WWOX: variants seen among roughly 807,000 people sequenced by gnomAD.
WWOX encodes the protein WW domain containing oxidoreductase, also known as WW domain-containing oxidoreductase.
In WWOX, 69 loss-of-function variants were observed where a neutral mutation model predicts 46.2. The ratio of observed to expected loss-of-function variants is 1.49; its 90% CI spans 1.23 to 1.82. The LOEUF (loss-of-function observed/expected upper bound fraction) is 1.82. WWOX is among the 40% of genes most tolerant of loss of function. The probability of loss-of-function intolerance (pLI) is 0.00; values close to 1 mark genes in which losing one functional copy is unlikely to be tolerated. For missense variants in WWOX, 919 were observed against 542.6 expected (o/e 1.69, Z -6.89); for synonymous variants, 359 against 202.6 (o/e 1.77, Z -6.56).
intron 8 of WWOX, among the ~76,000 whole-genome samples, chr16:78,768,160 G>C (rs1180415636): frequency 1.3e-5 from 2 of 150,668 alleles, no homozygotes; most frequent in East Asian, 3.9e-4. Context: ...TGCGGGGCGG[G>C]GGGGTCGGTT....
intron 5 of WWOX, among the ~76,000 whole-genome samples, chr16:78,336,345 AAAC>A (rs1202993402): frequency 2.3e-4 from 35 of 150,004 alleles, no homozygotes; most frequent in African/African-American, 7.1e-4. Context: ...AAAAAAAAAA[AAAC>A]CACAACAAAT....
At chr16:78,673,104 G>T (rs902060471) in intron 8 of WWOX, among the ~76,000 whole-genome samples, 33 of 152,212 alleles carry the variant, frequency 2.2e-4, no homozygotes, top group Admixed American at 2.2e-3. Context: ...AATAGGGTAC[G>T]CTGAAGGTCA....
At chr16:78,421,788 A>G (rs2082938406) in intron 6 of WWOX, among the ~76,000 whole-genome samples, 2 of 152,298 alleles carry the variant, frequency 1.3e-5, no homozygotes, top group East Asian at 1.9e-4. Context: ...AATTCTAAAC[A>G]TTATCAATGA....
chr16:78,799,103 A>G (rs2050818653), intron 8 of WWOX, among the ~76,000 whole-genome samples: 3 of 152,198 alleles, frequency 2.0e-5, no homozygotes, highest in Admixed American at 2.0e-4. Context: ...TAAATTGTGT[A>G]GATTACCTCC....
In WWOX at chr16:79,211,641, G is replaced by T. The variant is rs2051755265; in HGVS notation, c.1090G>T (p.Ala364Ser). ...AGCTGCCACCACCGTGTACTGTGCT[G>T]CTGTCCCAGAACTGGAGGGTCTGGG... ...QGAATTVYCA[A>S]VPELEGLGGM... The change falls in exon 9 of 9, where the codon GCT becomes TCT. Residue 364 changes from alanine (A) to serine (S), a missense_variant. Physicochemically the swap from Ala to Ser is moderately conservative, Grantham distance 99. Transcript: ENST00000566780. The T allele has an allele frequency of 2.5e-6, 4 of 1,614,184 alleles. No individual in the cohort carries two copies. Among genetic ancestry groups the T allele is most frequent in the Non-Finnish European group, 3.4e-6 (4 of 1,180,044 alleles).
rs147333159 is a variant in WWOX at position 79,174,846 on chromosome 16, A to G, written c.1057-36762A>G. Among the ~76,000 whole-genome samples the G allele has an allele frequency of 5.3e-5, 8 of 152,366 alleles. No individual in the cohort carries two copies. The East Asian group carries it at 1.5e-3, about 29-fold the overall frequency. ...AATTAAGAGTAAAAAGATGATGAAT[A>G]AAGTAGCTTCACTTATTGAGCCTTT... On this transcript the variant is annotated intron_variant, in intron 8 of 8. Coordinates refer to ENST00000566780, the MANE Select transcript of WWOX (RefSeq NM_016373.4).
In WWOX at chr16:79,174,778, T is replaced by G. The variant is rs113555557; in HGVS notation, c.1057-36830T>G. Among the ~76,000 whole-genome samples the G allele has an allele frequency of 8.8e-3, 1,344 of 152,370 alleles. 18 individuals are homozygous for G. Among genetic ancestry groups the G allele is most frequent in the African/African-American group, 0.031 (1,276 of 41,586 alleles). ...AGTACTCATGGTTAATTTTAGAAGC[T>G]AATAAGTATATATTTGATAACTTTA... On this transcript the variant is annotated intron_variant, in intron 8 of 8. Coordinates refer to ENST00000566780, the MANE Select transcript of WWOX (RefSeq NM_016373.4).
At chr16:79,174,680 G>A (rs1305851736) in intron 8 of WWOX, among the ~76,000 whole-genome samples, 1 of 152,188 alleles carries the variant, frequency 6.6e-6, no homozygotes, top group Non-Finnish European at 1.5e-5. Context: ...CTGATGTCCA[G>A]TGAATTTCTA....
intron 6 of WWOX, among the ~76,000 whole-genome samples, chr16:78,409,203 A>C (rs1222888538): frequency 6.6e-6 from 1 of 152,144 alleles, no homozygotes; most frequent in African/African-American, 2.4e-5. Flanking sequence ...GTTTAAAAAA[A>C]ATTTTTTTTT....
At chr16:78,786,620 G>A (rs769616697) in intron 8 of WWOX, among the ~76,000 whole-genome samples, 6 of 151,768 alleles carry the variant, frequency 4.0e-5, no homozygotes, top group Admixed American at 1.3e-4. Context: ...TAGTATATTC[G>A]CATGGTTATG....
At chr16:79,068,954 C>T (rs1261092535) in intron 8 of WWOX, among the ~76,000 whole-genome samples, 1 of 152,100 alleles carries the variant, frequency 6.6e-6, no homozygotes, top group African/African-American at 2.4e-5. Flanking sequence ...CCAAACATTT[C>T]ACAGTTGTCT....
At chr16:78,669,232 A>G (rs2047403942) in intron 8 of WWOX, among the ~76,000 whole-genome samples, 1 of 152,200 alleles carries the variant, frequency 6.6e-6, no homozygotes, top group African/African-American at 2.4e-5. Context: ...AAGAAGCTGG[A>G]TATGGCCCTT....
At chr16:78,710,544 A>G (rs948859476) in intron 8 of WWOX, among the ~76,000 whole-genome samples, 2 of 136,842 alleles carry the variant, frequency 1.5e-5, no homozygotes, top group East Asian at 4.2e-4. Flanking sequence ...TATTTTATAT[A>G]TTTTTATATA....
chr16:78,778,995 T>G (rs763820844), intron 8 of WWOX, among the ~76,000 whole-genome samples: 22 of 152,192 alleles, frequency 1.4e-4, no homozygotes, highest in Non-Finnish European at 2.8e-4. Context: ...TCCATCTATT[T>G]CAGGGGATGA....
intron 8 of WWOX, among the ~76,000 whole-genome samples, chr16:79,152,885 A>G (rs1299760537): frequency 6.6e-6 from 1 of 152,110 alleles, no homozygotes; most frequent in Non-Finnish European, 1.5e-5. Context: ...ACCCAGTTGC[A>G]CTGAGGGAAG....
intron 5 of WWOX, among the ~76,000 whole-genome samples, chr16:78,214,038 G>A (rs2036641330): frequency 6.6e-6 from 1 of 152,144 alleles, no homozygotes; most frequent in Non-Finnish European, 1.5e-5. Flanking sequence ...CCCAGCCACT[G>A]GGGCAGGGGC....
intron 8 of WWOX, among the ~76,000 whole-genome samples, chr16:78,951,161 A>G (rs1399525893): frequency 6.6e-6 from 1 of 152,188 alleles, no homozygotes; most frequent in Non-Finnish European, 1.5e-5. Flanking sequence ...TGGGAAGCCT[A>G]AGGGTGGATC....
At chr16:78,385,977 C>G (rs952920182) in intron 5 of WWOX, among the ~76,000 whole-genome samples, 1 of 152,194 alleles carries the variant, frequency 6.6e-6, no homozygotes, top group African/African-American at 2.4e-5. Flanking sequence ...GAGATTTGTC[C>G]TTGCAGAATG....
chr16:78,264,111 C>T (rs2079310730), intron 5 of WWOX, among the ~76,000 whole-genome samples: 1 of 144,690 alleles, frequency 6.9e-6, no homozygotes, highest in Non-Finnish European at 1.5e-5. Flanking sequence ...TAACGGTGAT[C>T]ACTTCTTGAG....
Sources: allele counts gnomAD v4.1 joint callset (sites outside exome capture counted in the v4.1 genomes callset), GRCh38; gene constraint gnomAD v4.1.1; transcripts MANE v1.5; gene names NCBI Gene and HGNC (gene_info 2026-07-23, HGNC 2026-07-21).